GRM7: variants seen among roughly 807,000 people sequenced by gnomAD.
GRM7 encodes metabotropic glutamate receptor 7.
GRM7 carries 35 observed loss-of-function variants against 84.5 expected under a neutral mutation model. That is an observed-to-expected ratio of 0.41 (90% CI 0.32 to 0.55). The LOEUF (loss-of-function observed/expected upper bound fraction) is 0.55, where lower values mean the gene tolerates loss of function less well. GRM7 is among the 20% of genes least tolerant of loss of function. The probability of loss-of-function intolerance (pLI) is 0.19; values close to 1 mark genes in which losing one functional copy is unlikely to be tolerated. For missense variants in GRM7, 1,003 were observed against 1,194.6 expected (o/e 0.84, Z 2.36); for synonymous variants, 487 against 455.1 (o/e 1.07, Z -0.89).
At chr3:7,480,081 T>C (rs1018534050) in intron 7 of GRM7, among the ~76,000 whole-genome samples, 4 of 151,972 alleles carry the variant, frequency 2.6e-5, no homozygotes, top group African/African-American at 9.7e-5. Context: ...CTGTGTGCAC[T>C]GCTTTGTTCT....
chr3:7,269,649 T>G (rs1698780935), intron 2 of GRM7, among the ~76,000 whole-genome samples: 1 of 152,236 alleles, frequency 6.6e-6, no homozygotes, highest in South Asian at 2.1e-4. Context: ...AGGCTGGTGA[T>G]GTACATGCAT....
At chr3:7,333,259 G>C (rs1303108454) in intron 4 of GRM7, among the ~76,000 whole-genome samples, 1 of 152,082 alleles carries the variant, frequency 6.6e-6, no homozygotes, top group Non-Finnish European at 1.5e-5. Context: ...TTACTCCCCT[G>C]CTACCTCCAC....
chr3:6,961,071 A>T (rs1447950346), intron 1 of GRM7, among the ~76,000 whole-genome samples: 1 of 152,150 alleles, frequency 6.6e-6, no homozygotes, highest in East Asian at 1.9e-4. Flanking sequence ...CCAAAATCCC[A>T]GTCTCTCTCA....
chr3:7,641,837 G>A (rs1698378173), intron 8 of GRM7, among the ~76,000 whole-genome samples: 1 of 152,058 alleles, frequency 6.6e-6, no homozygotes, highest in Admixed American at 6.5e-5. Context: ...AGAAATCCTT[G>A]TAAATTCTTA....
At chr3:7,329,314 G>A (rs182539052) in intron 4 of GRM7, among the ~76,000 whole-genome samples, 1 of 152,278 alleles carries the variant, frequency 6.6e-6, no homozygotes, top group East Asian at 1.9e-4. Context: ...TTAACAAGCA[G>A]GGTCCTTTCA....
chr3:7,464,938 G>T (rs1299702959), intron 7 of GRM7, among the ~76,000 whole-genome samples: 2 of 152,102 alleles, frequency 1.3e-5, no homozygotes, highest in Admixed American at 1.3e-4. Flanking sequence ...GGAGGTTGCA[G>T]TGAGCCGAGA....
At chr3:7,222,825 A>G (rs558624304) in intron 2 of GRM7, among the ~76,000 whole-genome samples, 90 of 152,318 alleles carry the variant, frequency 5.9e-4, no homozygotes, top group African/African-American at 2.0e-3. Flanking sequence ...TTTGTTTGGA[A>G]TAATTGTGTC....
At chr3:7,567,747 C>CAAAA (rs1176146756) in intron 7 of GRM7, among the ~76,000 whole-genome samples, 6 of 45,824 alleles carry the variant, frequency 1.3e-4, no homozygotes, top group Non-Finnish European at 2.4e-4. Flanking sequence ...GACTCCATCT[C>CAAAA]AAAAAAAAAA....
intron 5 of GRM7, among the ~76,000 whole-genome samples, chr3:7,444,827 C>T (rs1239962847): frequency 6.6e-6 from 1 of 152,196 alleles, no homozygotes; most frequent in Non-Finnish European, 1.5e-5. Context: ...CCCCAGGAAG[C>T]ATCCTAGTTG....
intron 1 of GRM7, among the ~76,000 whole-genome samples, chr3:6,870,542 C>T (rs2124941441): frequency 6.6e-6 from 1 of 152,180 alleles, no homozygotes; most frequent in East Asian, 1.9e-4. Flanking sequence ...ATGTTGGCAG[C>T]CAGTGGTAGG....
Position 7,417,684 on chromosome 3 carries a change from CTG to C in GRM7, c.1174+2524_1174+2525del, listed in dbSNP as rs1018848192. Among the ~76,000 whole-genome samples the C allele has an allele frequency of 9.9e-5, 15 of 152,238 alleles. No homozygotes were observed. The East Asian group carries it at 1.5e-3, about 16-fold the overall frequency. The stretch of plus-strand genomic sequence containing the variant: ...CATAGCCCCCTTCACAGAGCTCTCT[CTG>C]TGACTTGGCTCTGCTAAAGAAAAAG... On this transcript the variant is annotated intron_variant, in intron 5 of 9. Coordinates refer to ENST00000357716, the MANE Select transcript of GRM7 (RefSeq NM_000844.4).
chr3:7,318,169 T>C (rs935704469), intron 4 of GRM7, among the ~76,000 whole-genome samples: 1 of 152,112 alleles, frequency 6.6e-6, no homozygotes, highest in African/African-American at 2.4e-5. Context: ...AAATCTAACT[T>C]TTTTCCTTTT....
intron 7 of GRM7, among the ~76,000 whole-genome samples, chr3:7,506,657 G>C (rs1024607214): frequency 6.6e-6 from 1 of 152,176 alleles, no homozygotes; most frequent in Non-Finnish European, 1.5e-5. Context: ...CCTCATACGG[G>C]CCTTCTTCTT....
chr3:7,598,330 T>G (rs898139230), intron 8 of GRM7, among the ~76,000 whole-genome samples: 2 of 152,176 alleles, frequency 1.3e-5, no homozygotes, highest in Non-Finnish European at 2.9e-5. Flanking sequence ...AGAGAATACC[T>G]GGGGGAGGTT....
chr3:6,960,833 CAT>C (rs1693270416), intron 1 of GRM7, among the ~76,000 whole-genome samples: 1 of 152,070 alleles, frequency 6.6e-6, no homozygotes, highest in South Asian at 2.1e-4. Flanking sequence ...GGTTGGATGT[CAT>C]TCTCTTTCTC....
chr3:6,885,110 C>T (rs751360488), intron 1 of GRM7, among the ~76,000 whole-genome samples: 7 of 152,136 alleles, frequency 4.6e-5, no homozygotes, highest in Non-Finnish European at 7.4e-5. Flanking sequence ...ACCTGATGCA[C>T]GACAGGCAGA....
At chr3:7,320,670 A>G (rs1700741921) in intron 4 of GRM7, among the ~76,000 whole-genome samples, 1 of 130,484 alleles carries the variant, frequency 7.7e-6, no homozygotes, top group African/African-American at 3.1e-5. Flanking sequence ...GAACACCATC[A>G]GTGGGTGATC....
chr3:7,569,379 CTG>C (rs1228904517), intron 7 of GRM7, among the ~76,000 whole-genome samples: 8 of 152,102 alleles, frequency 5.3e-5, no homozygotes, highest in African/African-American at 1.7e-4. Flanking sequence ...TGTCCACACT[CTG>C]TATCTAGCTA....
intron 4 of GRM7, among the ~76,000 whole-genome samples, chr3:7,307,839 A>G (rs17047072): frequency 0.47 from 71,989 of 152,074 alleles, 18,754 homozygotes; most frequent in Non-Finnish European, 0.6. Flanking sequence ...GAGTCAGGAA[A>G]ACAAAAGATG....
Sources: allele counts gnomAD v4.1 joint callset (sites outside exome capture counted in the v4.1 genomes callset), GRCh38; gene constraint gnomAD v4.1.1; transcripts MANE v1.5; gene names NCBI Gene and HGNC (gene_info 2026-07-23, HGNC 2026-07-21).